Variants in CA10 observed in about 807,000 individuals in gnomAD.
The protein encoded by CA10 is carbonic anhydrase-related protein 10.
CA10 carries 14 observed loss-of-function variants against 44.2 expected under a neutral mutation model. The ratio of observed to expected loss-of-function variants is 0.32; its 90% CI spans 0.21 to 0.50. The LOEUF is 0.50. Among genes scored for constraint, CA10 ranks in the 20% least tolerant of loss-of-function variants. The pLI is 0.99. For missense variants in CA10, 350 were observed against 409.7 expected (o/e 0.85, Z 1.26); for synonymous variants, 159 against 141.6 (o/e 1.12, Z -0.87).
At chr17:51,785,872 T>C (rs1427122845) in intron 3 of CA10, among the ~76,000 whole-genome samples, 2 of 152,236 alleles carry the variant, frequency 1.3e-5, no homozygotes, top group African/African-American at 2.4e-5. Flanking sequence ...AGGGATCACA[T>C]TGAATCTGTA....
rs542737577 is a variant in CA10, at chr17:51,824,033, T to C, written c.280-76215A>G. ...TGATATTTCATATTATTTTTACTGA[T>C]CATTGCTCTCTCAAACTAAGATGAA... On this transcript the variant is annotated intron_variant, in intron 3 of 8. Transcript: ENST00000451037. Among the ~76,000 whole-genome samples the C allele has an allele frequency of 1.1e-4, 17 of 152,344 alleles. No homozygotes were observed. The South Asian group carries it at 1.9e-3, about 17-fold the overall frequency.
chr17:52,033,687 A>G (rs535262415), intron 2 of CA10, among the ~76,000 whole-genome samples: 1 of 152,322 alleles, frequency 6.6e-6, no homozygotes, highest in Admixed American at 6.5e-5. Context: ...ATACCATAAC[A>G]ATAAAGATTA....
At chr17:51,927,410 T>G (rs528742733) in intron 3 of CA10, among the ~76,000 whole-genome samples, 1 of 152,288 alleles carries the variant, frequency 6.6e-6, no homozygotes, top group South Asian at 2.1e-4. Flanking sequence ...CTTTTAGATA[T>G]TTTAGATCAG....
chr17:51,747,451 T>C (rs191517267), intron 4 of CA10, among the ~76,000 whole-genome samples, 182 bp downstream of exon 4: 74 of 152,378 alleles, frequency 4.9e-4, no homozygotes, highest in African/African-American at 1.7e-3. Flanking sequence ...TGGAAAATAC[T>C]AGAAGCTTGT....
At chr17:51,867,721 C>T (rs1291674803) in intron 3 of CA10, among the ~76,000 whole-genome samples, 1 of 152,168 alleles carries the variant, frequency 6.6e-6, no homozygotes, top group Non-Finnish European at 1.5e-5. Context: ...AGTCAGTCTA[C>T]GGATGAGGTG....
Position 51,787,100 on chromosome 17 carries a change from T to C in CA10, c.280-39282A>G, listed in dbSNP as rs188701949. ...TAATATTTTGTTGAGGATTTTTGCA[T>C]CAATATTCATTAGGGATATCGGCCT... On this transcript the variant is annotated intron_variant, in intron 3 of 8. Coordinates refer to ENST00000451037, the MANE Select transcript of CA10 (RefSeq NM_020178.5). Among the ~76,000 whole-genome samples the C allele has an allele frequency of 6.1e-3, 936 of 152,324 alleles. 11 individuals are homozygous for C. Among genetic ancestry groups the C allele is most frequent in the African/African-American group, 0.021 (888 of 41,572 alleles).
chr17:51,838,808 C>T (rs202132), intron 3 of CA10, among the ~76,000 whole-genome samples: 108,984 of 152,114 alleles, frequency 0.72, 39,374 homozygotes, highest in African/African-American at 0.78. Flanking sequence ...TCCAGCACCT[C>T]CCATGACCCT....
chr17:51,638,673 ATAAT>A (rs1459296774), intron 6 of CA10, among the ~76,000 whole-genome samples: 3 of 152,234 alleles, frequency 2.0e-5, no homozygotes, highest in African/African-American at 7.2e-5. Context: ...TGAGTAGGAA[ATAAT>A]TAAGTGAATG....
At chr17:52,050,073 A>G (rs1426597761) in intron 2 of CA10, among the ~76,000 whole-genome samples, 1 of 152,066 alleles carries the variant, frequency 6.6e-6, no homozygotes, top group Non-Finnish European at 1.5e-5. Flanking sequence ...GTGTGTTCAC[A>G]TGACAATGAA....
chr17:51,961,382 T>G (rs1288246124), intron 2 of CA10, among the ~76,000 whole-genome samples: 1 of 151,852 alleles, frequency 6.6e-6, no homozygotes, highest in Non-Finnish European at 1.5e-5. Flanking sequence ...TAACCTAGGT[T>G]TCCATATTAA....
intron 3 of CA10, among the ~76,000 whole-genome samples, chr17:51,877,049 G>A (rs1382565314): frequency 1.3e-5 from 2 of 152,168 alleles, no homozygotes; most frequent in African/African-American, 4.8e-5. Flanking sequence ...GCTCCTTTTA[G>A]GTTGCATGTG....
At chr17:51,729,790 G>T (rs1338744345) in intron 4 of CA10, among the ~76,000 whole-genome samples, 12 of 152,160 alleles carry the variant, frequency 7.9e-5, no homozygotes, top group Non-Finnish European at 1.8e-4. Context: ...TAATGAGGTG[G>T]ATGTGGATAT....
chr17:51,819,495 G>T (rs1214141755), intron 3 of CA10, among the ~76,000 whole-genome samples: 3 of 152,206 alleles, frequency 2.0e-5, no homozygotes, highest in African/African-American at 7.2e-5. Context: ...AGGCTCGCTG[G>T]CTTACACAAA....
chr17:52,126,804 C>A (rs1416414313), intron 1 of CA10, among the ~76,000 whole-genome samples: 28 of 151,986 alleles, frequency 1.8e-4, no homozygotes, highest in Admixed American at 1.8e-3. Context: ...TGCAAAATTT[C>A]AAAAAATTGC....
At position 51,631,344 on chromosome 17, in the gene CA10, A is replaced by ATGTTTGCATG; in HGVS notation, c.*230_*239dup. On this transcript the variant is annotated 3_prime_UTR_variant, in exon 9 of 9. Transcript: ENST00000451037. ...TGTAAGAGTGTGTGTGTGTGTAGGTATGTTTGCATGTGTTTGTATGTATGT... is the reference window on the plus strand; with the variant it reads ...TGTAAGAGTGTGTGTGTGTGTAGGTATGTTTGCATGTGTTTGCATGTGTTTGTATGTATGT... The ATGTTTGCATG allele has an allele frequency of 1.8e-6, 1 of 550,732 alleles. No individual in the cohort carries two copies. The highest frequency in any genetic ancestry group is 2.3e-5 in the South Asian group (1 of 43,258). The allele number at this position is 550,732 out of a possible 1,614,324, so 34.1% of individuals were successfully genotyped here. A position where few individuals can be genotyped will look rare whatever the true frequency, so the allele number is the denominator to read the frequency against.
At position 51,815,288 on chromosome 17, in the gene CA10, A is replaced by G. The variant is rs1007277569; in HGVS notation, c.280-67470T>C. Among the ~76,000 whole-genome samples the G allele has an allele frequency of 7.9e-5, 12 of 152,142 alleles. No individual in the cohort carries two copies. The South Asian group carries it at 8.3e-4, about 11-fold the overall frequency. Reference sequence around the variant, plus strand: ...CACAATTATCAAAAGTGCTGATGTGAAGAAACCCTGGACTAAAGGAAGTGA... The same window carrying G: ...CACAATTATCAAAAGTGCTGATGTGGAGAAACCCTGGACTAAAGGAAGTGA... On this transcript the variant is annotated intron_variant, in intron 3 of 8. Coordinates refer to ENST00000451037, the MANE Select transcript of CA10 (RefSeq NM_020178.5).
chr17:51,892,826 A>G (rs878435), intron 3 of CA10, among the ~76,000 whole-genome samples: 25 of 152,264 alleles, frequency 1.6e-4, no homozygotes, highest in Admixed American at 1.6e-3. Context: ...TTTTAGCACA[A>G]TGGGGAAAAG....
intron 3 of CA10, among the ~76,000 whole-genome samples, chr17:51,837,079 AACACAC>A (rs5820881): frequency 1.7e-4 from 26 of 149,966 alleles, no homozygotes; most frequent in African/African-American, 4.2e-4. Flanking sequence ...GAGTTCAGAC[AACACAC>A]ACACACACAC....
At chr17:52,155,828 C>A (rs1158241006) in intron 1 of CA10, among the ~76,000 whole-genome samples, 1 of 152,168 alleles carries the variant, frequency 6.6e-6, no homozygotes, top group Non-Finnish European at 1.5e-5. Flanking sequence ...ATATGAAAGG[C>A]CATGTACTCC....
Sources: gnomAD v4.1 joint callset for allele counts (sites outside exome capture counted in the v4.1 genomes callset) on GRCh38, gnomAD v4.1.1 for gene constraint, MANE v1.5 for transcripts, NCBI Gene and HGNC (gene_info 2026-07-23, HGNC 2026-07-21) for gene names.